LONP1: variants seen among roughly 807,000 people sequenced by gnomAD.
LONP1 encodes lon peptidase 1, mitochondrial.
Under a neutral mutation model 98.5 loss-of-function variants are expected in LONP1, and 31 were observed. The ratio of observed to expected loss-of-function variants is 0.31; its 90% CI spans 0.24 to 0.42. The LOEUF is 0.42. Ranked by LOEUF, LONP1 falls within the 20% of genes least tolerant of loss-of-function variation. LONP1 has a pLI of 1.00. For missense variants in LONP1, 1,336 were observed against 1,350.6 expected (o/e 0.99, Z 0.17); for synonymous variants, 781 against 594.7 (o/e 1.31, Z -4.56).
chr19:5,707,851 G>A (rs1294274938), intron 5 of LONP1, 25 bp from the exon 6 acceptor site: 23 of 1,610,948 alleles, frequency 1.4e-5, no homozygotes, highest in Non-Finnish European at 1.4e-5. Context: ...GAGCTGCCTC[G>A]GTGGCCAGGG....
In LONP1 at chr19:5,693,295, C is replaced by G. The variant is rs755721876; in HGVS notation, c.2703+3G>C. 3 of 1,607,652 alleles carry G rather than the reference C, an allele frequency of 1.9e-6. No homozygotes were observed. The highest frequency in any genetic ancestry group is 2.6e-6 in the Non-Finnish European group (3 of 1,175,794). On this transcript the variant is annotated splice_donor_region_variant and intron_variant, in intron 17 of 17. Transcript: ENST00000360614. ...GCTGTGGGGTGGGTACAGGGACACT[C>G]ACCGCAATGGTCTTCTCCTTGATGC... is the stretch of plus-strand genomic sequence containing the variant.
intron 8 of LONP1, among the ~76,000 whole-genome samples, chr19:5,702,767 A>T (rs2055078379): frequency 6.6e-6 from 1 of 151,614 alleles, no homozygotes; most frequent in Admixed American, 6.6e-5. Flanking sequence ...TCAGGGTTAA[A>T]TGGATTAAGG....
chr19:5,707,364 G>A (rs1263814635), intron 6 of LONP1, among the ~76,000 whole-genome samples: 2 of 152,194 alleles, frequency 1.3e-5, no homozygotes, highest in African/African-American at 4.8e-5. Flanking sequence ...GCATGGGGAC[G>A]CGCTCAGGAG....
intron 8 of LONP1, among the ~76,000 whole-genome samples, chr19:5,701,907 T>C (rs2436510): frequency 0.44 from 64,828 of 147,534 alleles, 14,261 homozygotes; most frequent in Non-Finnish European, 0.46. Flanking sequence ...CCCGCCGCCC[T>C]GTCTGGGATA....
At chr19:5,696,840 G>A (rs568782876) in intron 10 of LONP1, 83 bp from the exon 11 acceptor site, 7 of 874,218 alleles carry the variant, frequency 8.0e-6, no homozygotes, top group East Asian at 5.1e-5. Context: ...GGGCCACAGG[G>A]GAGAGGCCAC....
chr19:5,707,204 G>T, intron 6 of LONP1, 61 bp from the exon 7 acceptor site: 1 of 1,390,186 alleles, frequency 7.2e-7, no homozygotes. Context: ...GTGTAGGGCC[G>T]AGGTTGGGGG....
At chr19:5,707,291 G>GC in intron 6 of LONP1, 148 bp from the exon 7 acceptor site, 2 of 674,680 alleles carry the variant, frequency 3.0e-6, no homozygotes, top group Non-Finnish European at 5.3e-6. Flanking sequence ...TGTGCCCTCT[G>GC]CCCCAACAAA....
chr19:5,707,781 G>A lies in LONP1; in HGVS notation c.978C>T (p.Asp326=). ...QMMQAGQRVV[D]NPIYLSDMGA... is the part of the protein sequence containing the mutation. Reference sequence around the variant, plus strand: ...CCATGTCGCTCAGGTAGATGGGGTTGTCCACCACCCGCTGGCCAGCCTGCA... The same window carrying A: ...CCATGTCGCTCAGGTAGATGGGGTTATCCACCACCCGCTGGCCAGCCTGCA... The change falls in exon 6 of 18, where the codon GAC becomes GAT. Residue 326 remains aspartate (D), a synonymous_variant. Coordinates refer to ENST00000360614, the MANE Select transcript of LONP1 (RefSeq NM_004793.4). 6.2e-7 allele frequency: 1 copy of A among 1,613,236 alleles called. No homozygotes were observed. Among genetic ancestry groups the A allele is most frequent in the Non-Finnish European group, 8.5e-7 (1 of 1,179,920 alleles).
At chr19:5,700,712 C>G (rs2055024742) in intron 9 of LONP1, 77 bp downstream of exon 9, 1 of 1,572,844 alleles carries the variant, frequency 6.4e-7, no homozygotes, top group Admixed American at 1.8e-5. Flanking sequence ...CCTTTGAAAT[C>G]TCAACCCACA....
Position 5,694,534 on chromosome 19 carries a change from AGGCCGATTTCCGTAACACCTGGGC to A in LONP1, c.2155-6_2172del. 6.2e-7 allele frequency: 1 copy of A among 1,612,132 alleles called. No homozygotes were observed. Among genetic ancestry groups the A allele is most frequent in the Non-Finnish European group, 8.5e-7 (1 of 1,179,492 alleles). Reference sequence around the variant, plus strand: ...TCGGCCTCGCCGCTGACAATCTTGTAGGCCGATTTCCGTAACACCTGGGCGGTCAGGGCAACACAATGGGCACGG... The same window carrying A: ...TCGGCCTCGCCGCTGACAATCTTGTAGGTCAGGGCAACACAATGGGCACGG... On this transcript the variant is annotated splice_acceptor_variant and splice_polypyrimidine_tract_variant and coding_sequence_variant and intron_variant, in exon 15 of 18. Transcript: ENST00000360614. LOFTEE classifies it high-confidence loss of function.
rs2054994998 is a variant in LONP1 at position 5,699,083 on chromosome 19, C to T, written c.1629G>A (p.Glu543=). The T allele has an allele frequency of 5.0e-6, 8 of 1,608,442 alleles. No homozygotes were observed. The highest frequency in any genetic ancestry group is 2.3e-5 in the East Asian group (1 of 44,424). The change falls in exon 10 of 18, where the codon GAG becomes GAA. Residue 543 remains glutamate, a synonymous_variant. Coordinates refer to ENST00000360614, the MANE Select transcript of LONP1 (RefSeq NM_004793.4). ...ARSIARALNR[E]YFRFSVGGMT... ...TGCCCCCGACGCTGAAGCGGAAGTA[C>T]TCTCGGTTCAGGGCGCGGGCGATGG...
At chr19:5,712,476 GCTGTCTGCGT>G (rs776097957) in intron 3 of LONP1, 162 of 179,574 alleles carry the variant, frequency 9.0e-4, no homozygotes, top group African/African-American at 3.8e-3. Flanking sequence ...CACCTCTCAC[GCTGTCTGCGT>G]CTCCCCTCAG....
rs563899787 is a variant in LONP1 at position 5,697,782 on chromosome 19, C to T, written c.1686-1025G>A. The stretch of plus-strand genomic sequence containing the variant: ...TGTCCTTGTCTCAGGAACCCAGAGA[C>T]GTCAGCAGACGCCTGCCCTCCCCGC... On this transcript the variant is annotated intron_variant, in intron 10 of 17. Transcript: ENST00000360614. 1.3e-4 allele frequency among the ~76,000 whole-genome samples: 20 copies of T among 152,134 alleles called. No individual in the cohort carries two copies. The East Asian group carries it at 1.4e-3, about 10-fold the overall frequency.
At position 5,692,169 on chromosome 19, in the gene LONP1, C is replaced by T. The variant is rs746404427; in HGVS notation, c.2743G>A (p.Glu915Lys). 6.8e-6 allele frequency: 11 copies of T among 1,613,910 alleles called. No homozygotes were observed. The highest frequency in any genetic ancestry group is 6.7e-5 in the African/African-American group (5 of 74,934). The change falls in exon 18 of 18, where the codon GAG becomes AAG. Residue 915 changes from glutamate to lysine, a missense_variant. Glu to Lys is a moderately conservative substitution (Grantham distance 56). This residue lies in a region of LONP1 where 555 missense variants were observed against 542.6 expected (regional missense o/e 1.02). Coordinates refer to ENST00000360614, the MANE Select transcript of LONP1 (RefSeq NM_004793.4). ...AGVTCIVLPA[E>K]NKKDFYDLAA... ...AGGTCGTAGAAGTCCTTCTTGTTCT[C>T]GGCTGGCAGGACGATGCACGTCACC...
chr19:5,714,260 C>A lies in LONP1; in HGVS notation c.441G>T (p.Lys147Asn). 1 of 1,613,372 alleles carries A rather than the reference C, an allele frequency of 6.2e-7. No individual in the cohort carries two copies. Among genetic ancestry groups the A allele is most frequent in the Non-Finnish European group, 8.5e-7 (1 of 1,179,464 alleles). The part of the protein sequence containing the change: ...RFIKIIEVKN[K>N]KLVELLRRKV... ...TCCTTCTCAGCAGCTCAACCAACTT[C>A]TTATTTTTAACCTAGCATGACAATG... is the stretch of plus-strand genomic sequence containing the variant. Residue 147 changes from lysine (K) to asparagine (N), a missense_variant, in exon 2 of 18, where the codon AAG becomes AAT. Around this residue, in one of 5 missense-constraint regions of LONP1, gnomAD observed 457 missense variants for 403.1 expected, o/e 1.13. Coordinates refer to ENST00000360614, the MANE Select transcript of LONP1 (RefSeq NM_004793.4).
chr19:5,695,094 C>A (rs1448459489), intron 13 of LONP1, among the ~76,000 whole-genome samples, 193 bp from the exon 14 acceptor site: 4 of 152,032 alleles, frequency 2.6e-5, no homozygotes, highest in African/African-American at 9.7e-5. Context: ...TTTGCTTGTG[C>A]TGCGTCCTCT....
chr19:5,711,881 G>C lies in LONP1; in HGVS notation c.760C>G (p.His254Asp). The C allele has an allele frequency of 6.2e-7, 1 of 1,612,968 alleles. No homozygotes were observed. ...GGCTCCATCGCCAGCTCCGCCGGGT[G>C]CCTGGCGCTCAGCTCGTCCTCCGCC... is the stretch of plus-strand genomic sequence containing the variant. ...KEAEDELSAR[H>D]PAELAMEPTP... Residue 254 changes from histidine (H) to aspartate (D), a missense_variant, in exon 4 of 18, where the codon CAC becomes GAC. This residue lies in a region of LONP1 where 457 missense variants were observed against 403.1 expected (regional missense o/e 1.13). Coordinates refer to ENST00000360614, the MANE Select transcript of LONP1 (RefSeq NM_004793.4).
At position 5,705,846 on chromosome 19, in the gene LONP1, G is replaced by A. The variant is rs749918161; in HGVS notation, c.1293C>T (p.Pro431=). ...FRERLKELVV[P]KHVMDVVDEE... ...CGTCCACAACATCCATGACGTGCTT[G>A]GGGACCACGAGCTCCTTCAGGCGCT... Residue 431 remains proline (P), a synonymous_variant, in exon 8 of 18, where the codon CCC becomes CCT. Transcript: ENST00000360614. 3.7e-6 allele frequency: 6 copies of A among 1,614,176 alleles called. No individual in the cohort carries two copies. Among genetic ancestry groups the A allele is most frequent in the South Asian group, 2.2e-5 (2 of 91,086 alleles).
chr19:5,708,644 C>G, intron 4 of LONP1: 1 of 513,164 alleles, frequency 1.9e-6, no homozygotes, highest in Admixed American at 3.3e-5. Flanking sequence ...CTCCTTACCC[C>G]TCAGAGCCTT....
Sources: allele counts gnomAD v4.1 joint callset (sites outside exome capture counted in the v4.1 genomes callset), GRCh38; gene constraint gnomAD v4.1.1; regional missense constraint gnomAD v4.1.1; transcripts MANE v1.5; gene names NCBI Gene and HGNC (gene_info 2026-07-23, HGNC 2026-07-21).